Variants in GAD1 observed in about 807,000 individuals in gnomAD.
GAD1 encodes the protein glutamate decarboxylase 1.
GAD1 carries 35 observed loss-of-function variants against 75.2 expected under a neutral mutation model. That is an observed-to-expected ratio of 0.47 (90% CI 0.36 to 0.62). The LOEUF is 0.62. GAD1 is among the 20% of genes least tolerant of loss of function. The probability of loss-of-function intolerance (pLI) is 0.00; values close to 1 mark genes in which losing one functional copy is unlikely to be tolerated. For synonymous variants in GAD1, 257 were observed against 271.9 expected, an observed-to-expected ratio of 0.95 and a Z score of 0.54; for missense variants, 490 against 758.5, an observed-to-expected ratio of 0.65 and a Z score of 4.16.
At chr2:170,844,854 C>T (rs1414953056) in intron 7 of GAD1, among the ~76,000 whole-genome samples, 1 of 152,148 alleles carries the variant, frequency 6.6e-6, no homozygotes, top group Non-Finnish European at 1.5e-5. Context: ...TTCAAGCAGA[C>T]CACAAATTTG....
chr2:170,819,482 A>AG (rs1701806968), intron 2 of GAD1, among the ~76,000 whole-genome samples: 1 of 152,046 alleles, frequency 6.6e-6, no homozygotes, highest in African/African-American at 2.4e-5. Flanking sequence ...CAGATAAAAG[A>AG]GGGGGGAGGA....
intron 5 of GAD1, among the ~76,000 whole-genome samples, chr2:170,831,409 A>G (rs1021787740): frequency 1.3e-5 from 2 of 152,108 alleles, no homozygotes; most frequent in African/African-American, 4.8e-5. Flanking sequence ...TCATGGTAAA[A>G]GTAGATAAAA....
rs1559265814 is a variant in GAD1 at position 170,818,921 on chromosome 2, G to T, written c.82+248G>T. Reference sequence around the variant, plus strand: ...CAGCGGCGATCGTTGAGGGCTTCGCGGAGGAGGAGGGGCGCGCAGCCAGGG... The same window carrying T: ...CAGCGGCGATCGTTGAGGGCTTCGCTGAGGAGGAGGGGCGCGCAGCCAGGG... On this transcript the variant is annotated intron_variant, in intron 2 of 16. Transcript: ENST00000358196. This position sits in a 1 kb window ranked among gnomAD's most constrained non-coding sequence, Gnocchi z 5.9. Among the ~76,000 whole-genome samples, 2 of 152,156 alleles carry T rather than the reference G, an allele frequency of 1.3e-5. No individual in the cohort carries two copies. The highest frequency in any genetic ancestry group is 2.9e-5 in the Non-Finnish European group (2 of 68,034).
At position 170,827,554 on chromosome 2, in the gene GAD1, C is replaced by T. The variant is rs142512924; in HGVS notation, c.146-1921C>T. The stretch of plus-strand genomic sequence containing the variant: ...CCCTTTTGGCTTAACCCTCTTTCCC[C>T]GTTTGCTGCCGGAGTTTGTCCTGCT... On this transcript the variant is annotated intron_variant, in intron 3 of 16. Coordinates refer to ENST00000358196, the MANE Select transcript of GAD1 (RefSeq NM_000817.3). Among the ~76,000 whole-genome samples, 4 of 152,306 alleles carry T rather than the reference C, an allele frequency of 2.6e-5. No homozygotes were observed. In the East Asian group the frequency reaches 7.7e-4, roughly 29 times the overall value.
intron 2 of GAD1, among the ~76,000 whole-genome samples, chr2:170,820,275 C>T (rs1035185382): frequency 6.6e-6 from 1 of 152,214 alleles, no homozygotes; most frequent in Non-Finnish European, 1.5e-5. Context: ...AATGCCAAGT[C>T]ACCGGTAGGA....
rs576928497 is a variant in GAD1, at chr2:170,861,144, G to A, written c.*1262G>A. 6.5e-6 allele frequency: 1 copy of A among 152,700 alleles called. No homozygotes were observed. The highest frequency in any genetic ancestry group is 2.4e-5 in the African/African-American group (1 of 41,572). 9.5% of individuals were successfully genotyped at this position (152,700 alleles called of 1,614,324 possible). ...TAAAAATATTCTCCATGGAGAATTT[G>A]AACAAAATTTTCTTCTAGTTTGTGT... On this transcript the variant is annotated 3_prime_UTR_variant, in exon 17 of 17. Transcript: ENST00000358196.
At chr2:170,842,712 G>A in intron 6 of GAD1, 2 of 1,608,306 alleles carry the variant, frequency 1.2e-6, no homozygotes, top group Non-Finnish European at 1.7e-6. Context: ...GGCCTCCCAA[G>A]GAAAATGGAC....
At chr2:170,839,353 G>A (rs190586869) in intron 6 of GAD1, among the ~76,000 whole-genome samples, 36 of 152,276 alleles carry the variant, frequency 2.4e-4, no homozygotes, top group Middle Eastern at 3.4e-3. Flanking sequence ...GGTGGCTCAC[G>A]CCTGTAATCC....
chr2:170,841,552 AAT>A (rs1702516845), intron 6 of GAD1, among the ~76,000 whole-genome samples: 2 of 152,208 alleles, frequency 1.3e-5, no homozygotes, highest in South Asian at 4.1e-4. Flanking sequence ...AATAAAATAA[AAT>A]AAAGTTAAAA....
Position 170,860,291 on chromosome 2 carries a change from C to A in GAD1, c.*409C>A. Reference sequence around the variant, plus strand: ...TTTTCAAAACGCCATGTCCTAGGGGCCGAGGGAAATGCTGTTGGTGAGAAT... The same window carrying A: ...TTTTCAAAACGCCATGTCCTAGGGGACGAGGGAAATGCTGTTGGTGAGAAT... On this transcript the variant is annotated 3_prime_UTR_variant, in exon 17 of 17. Coordinates refer to ENST00000358196, the MANE Select transcript of GAD1 (RefSeq NM_000817.3). 5.0e-6 allele frequency: 1 copy of A among 201,576 alleles called. No homozygotes were observed. Among genetic ancestry groups the A allele is most frequent in the Non-Finnish European group, 1.0e-5 (1 of 97,026 alleles). The allele number at this position is 201,576 out of a possible 1,614,324, so 12.5% of individuals were successfully genotyped here.
chr2:170,818,429 C>G lies in GAD1; in HGVS notation c.-63-100C>G, dbSNP rs528767539. On this transcript the variant is annotated intron_variant, in intron 1 of 16. Coordinates refer to ENST00000358196, the MANE Select transcript of GAD1 (RefSeq NM_000817.3). This position sits in a 1 kb window ranked among gnomAD's most constrained non-coding sequence, Gnocchi z 5.9. ...TTCCTCCCTCTTGTCTCTCCAGAGC[C>G]GGATCTTCAAGGGGAGCCTCCGTGC... The G allele has an allele frequency of 1.4e-6, 1 of 715,050 alleles. No homozygotes were observed. Among genetic ancestry groups the G allele is most frequent in the Non-Finnish European group, 2.6e-6 (1 of 391,280 alleles). The allele number at this position is 715,050 out of a possible 1,614,324, so 44.3% of individuals were successfully genotyped here. A position where few individuals can be genotyped will look rare whatever the true frequency, so the allele number is the denominator to read the frequency against.
intron 4 of GAD1, 119 bp downstream of exon 4, chr2:170,829,752 A>C: frequency 3.6e-6 from 4 of 1,123,360 alleles, no homozygotes; most frequent in Non-Finnish European, 5.2e-6. Context: ...CTCTGAACCC[A>C]CATGAAACTG....
intron 1 of GAD1, 184 bp downstream of exon 1, chr2:170,817,232 C>CCCG (rs1465619948): frequency 8.9e-6 from 1 of 112,132 alleles, no homozygotes; most frequent in Non-Finnish European, 2.2e-5. Flanking sequence ...GGGACCCCCC[C>CCCG]CCCCCCGCCT....
At position 170,853,659 on chromosome 2, in the gene GAD1, A is replaced by T; in HGVS notation, c.1264-214A>T. The T allele has an allele frequency of 1.8e-6, 1 of 551,996 alleles. No homozygotes were observed. Among genetic ancestry groups the T allele is most frequent in the Non-Finnish European group, 3.3e-6 (1 of 304,862 alleles). The allele number at this position is 551,996 out of a possible 1,614,324, so 34.2% of individuals were successfully genotyped here. On this transcript the variant is annotated intron_variant, in intron 13 of 16. Transcript: ENST00000358196. The surrounding 1 kb of genome is among the most constrained non-coding windows in gnomAD (Gnocchi z 4.1). ...GGATGGCATCTGAGACGGAAAGATC[A>T]TCTTCTAATCAGAGAGTCAGAGACA...
chr2:170,825,336 C>T (rs2105764222), intron 3 of GAD1, among the ~76,000 whole-genome samples: 1 of 152,248 alleles, frequency 6.6e-6, no homozygotes, highest in East Asian at 1.9e-4. Flanking sequence ...TTACAATGAG[C>T]TATGATGGCG....
chr2:170,813,992 G>A (rs1559262656), upstream of GAD1, among the ~76,000 whole-genome samples: 3 of 152,294 alleles, frequency 2.0e-5, no homozygotes, highest in South Asian at 6.2e-4. Flanking sequence ...CAGCTGGGCG[G>A]ACACCACTCC....
At chr2:170,814,557 G>A (rs1161570512), upstream of GAD1, among the ~76,000 whole-genome samples, 2 of 152,128 alleles carry the variant, frequency 1.3e-5, no homozygotes, top group African/African-American at 4.8e-5. Flanking sequence ...GTCCACTCCC[G>A]GCGTGCAGGA....
intron 5 of GAD1, among the ~76,000 whole-genome samples, chr2:170,831,659 TATTTATATATA>T (rs1228035657): frequency 7.0e-6 from 1 of 143,348 alleles, no homozygotes; most frequent in African/African-American, 2.5e-5. Flanking sequence ...TATATATAAA[TATTTATATATA>T]AATATTTAAT....
At chr2:170,839,340 T>C (rs60669389) in intron 6 of GAD1, among the ~76,000 whole-genome samples, 8,161 of 152,204 alleles carry the variant, frequency 0.054, 445 homozygotes, top group East Asian at 0.24. Flanking sequence ...GTAGGTTGGG[T>C]GTGGTGGCTC....
Sources: gnomAD v4.1 joint callset for allele counts (sites outside exome capture counted in the v4.1 genomes callset) on GRCh38, gnomAD v4.1.1 for gene constraint, Gnocchi (gnomAD v3.1) non-coding constraint, MANE v1.5 for transcripts, NCBI Gene and HGNC (gene_info 2026-07-23, HGNC 2026-07-21) for gene names.